Variants in ARSG observed in about 807,000 individuals in gnomAD.
The protein encoded by ARSG is arylsulfatase G, also known as ASG.
ARSG carries 37 observed loss-of-function variants against 50.5 expected under a neutral mutation model. The observed-to-expected ratio is 0.73, with a 90% CI of 0.56 to 0.96. The LOEUF (loss-of-function observed/expected upper bound fraction) is 0.96. Among genes scored for constraint, ARSG ranks in the 50% least tolerant of loss-of-function variants. ARSG has a pLI of 0.00. For synonymous variants in ARSG, 225 were observed against 254.6 expected (o/e 0.88, Z 1.11); for missense variants, 629 against 675.3 (o/e 0.93, Z 0.76).
chr17:68,329,786 T>C (rs1283700457), intron 2 of ARSG, among the ~76,000 whole-genome samples: 1 of 152,200 alleles, frequency 6.6e-6, no homozygotes, highest in Non-Finnish European at 1.5e-5. Context: ...TATAAAATAC[T>C]CTAACATTAA....
intron 1 of ARSG, among the ~76,000 whole-genome samples, chr17:68,265,222 G>A (rs1231187638): frequency 4.0e-5 from 6 of 151,608 alleles, no homozygotes; most frequent in African/African-American, 7.3e-5. Context: ...TGTCGGGCAC[G>A]GTGACTCATG....
intron 2 of ARSG, among the ~76,000 whole-genome samples, chr17:68,331,702 G>A (rs972066778): frequency 2.4e-4 from 37 of 152,140 alleles, no homozygotes; most frequent in African/African-American, 5.6e-4. Flanking sequence ...TTTCACGTGC[G>A]TCCTTTTCTA....
At chr17:68,377,497 C>T (rs2080209458) in intron 8 of ARSG, among the ~76,000 whole-genome samples, 1 of 152,198 alleles carries the variant, frequency 6.6e-6, no homozygotes, top group Admixed American at 6.5e-5. Context: ...CAGCTCAGGG[C>T]TCAGCATCCT....
intron 1 of ARSG, among the ~76,000 whole-genome samples, chr17:68,261,204 C>T (rs183479929): frequency 4.6e-5 from 7 of 152,248 alleles, no homozygotes; most frequent in Admixed American, 3.3e-4. Flanking sequence ...GGAAAAAAGT[C>T]TATAACTCAT....
intron 2 of ARSG, among the ~76,000 whole-genome samples, chr17:68,330,261 G>A (rs1436713186): frequency 6.6e-6 from 1 of 152,038 alleles, no homozygotes; most frequent in African/African-American, 2.4e-5. Context: ...ATGCACCATG[G>A]AAAATGAGGG....
downstream of ARSG, chr17:68,426,247 A>AGG (rs150170943): frequency 1.0e-4 from 70 of 668,462 alleles, 3 homozygotes; most frequent in African/African-American, 7.1e-4. Context: ...GCGGGTGGGG[A>AGG]GCGGGGGCTC....
At chr17:68,356,594 G>A in intron 5 of ARSG, 73 bp from the exon 6 acceptor site, 1 of 1,548,232 alleles carries the variant, frequency 6.5e-7, no homozygotes, top group Non-Finnish European at 8.9e-7. Flanking sequence ...ATGCATTGTT[G>A]CATTAAAGCA....
intron 1 of ARSG, among the ~76,000 whole-genome samples, chr17:68,294,845 A>G (rs1555757560): frequency 6.6e-6 from 1 of 152,162 alleles, no homozygotes; most frequent in Non-Finnish European, 1.5e-5. Context: ...CCTCCCCCGC[A>G]GCACCCCGCC....
upstream of ARSG, among the ~76,000 whole-genome samples, chr17:68,287,854 G>T (rs754320018): frequency 6.6e-6 from 1 of 152,042 alleles, no homozygotes; most frequent in South Asian, 2.1e-4. Context: ...TTAAAAAACC[G>T]AGTCATAAGG....
rs1555753742 is a variant in ARSG, at chr17:68,284,147, C to T, written c.-551-22796C>T. ...AAAAGCTGGGCGCAGTGGCTCATGC[C>T]TGTAATCCTTTGGGAGGCCAAGGTA... is the stretch of plus-strand genomic sequence containing the variant. On this transcript the variant is annotated intron_variant, in intron 1 of 11. Transcript: ENST00000448504. Among the ~76,000 whole-genome samples, 4 of 150,606 alleles carry T rather than the reference C, an allele frequency of 2.7e-5. No homozygotes were observed. In the South Asian group the frequency reaches 8.4e-4, roughly 32 times the overall value.
intron 2 of ARSG, among the ~76,000 whole-genome samples, chr17:68,336,066 T>G (rs1328670060): frequency 3.3e-5 from 5 of 151,012 alleles, no homozygotes; most frequent in Non-Finnish European, 4.4e-5. Flanking sequence ...ACCTGGCTAA[T>G]TTTTGTATTT....
intron 1 of ARSG, among the ~76,000 whole-genome samples, chr17:68,296,086 A>G (rs1405540908): frequency 1.3e-5 from 2 of 151,958 alleles, no homozygotes; most frequent in South Asian, 2.1e-4. Flanking sequence ...CAACCAACCA[A>G]CTCCAAATCT....
At chr17:68,279,175 G>T (rs1382749842) in intron 1 of ARSG, among the ~76,000 whole-genome samples, 2 of 152,062 alleles carry the variant, frequency 1.3e-5, no homozygotes, top group Non-Finnish European at 2.9e-5. Flanking sequence ...TGACCATAAG[G>T]AATGTTGATC....
Position 68,352,114 on chromosome 17 carries a change from AC to A in ARSG, c.566+429del, listed in dbSNP as rs2078805314. On this transcript the variant is annotated intron_variant, in intron 5 of 11. Transcript: ENST00000621439. ...GAGAGAGAGAGAGAGAGAGAGAGAG[AC>A]AGAGGAGAGAGAGAGAGAGAGACAG... is the stretch of plus-strand genomic sequence containing the variant. Among the ~76,000 whole-genome samples the A allele has an allele frequency of 5.7e-4, 47 of 82,948 alleles. 1 individual carries two copies. The highest frequency in any genetic ancestry group is 6.4e-3 in the Middle Eastern group (1 of 156). The allele number at this position is 82,948 out of a possible 152,430, so 54.4% of individuals were successfully genotyped here. A position where few individuals can be genotyped will look rare whatever the true frequency, so the allele number is the denominator to read the frequency against.
chr17:68,374,811 C>T (rs1291890611), intron 8 of ARSG, among the ~76,000 whole-genome samples: 1 of 146,962 alleles, frequency 6.8e-6, no homozygotes, highest in Non-Finnish European at 1.5e-5. Context: ...GCTGAGATTG[C>T]ACCACTGCAC....
chr17:68,372,016 G>T (rs2079871400), intron 8 of ARSG, among the ~76,000 whole-genome samples: 1 of 152,164 alleles, frequency 6.6e-6, no homozygotes, highest in Non-Finnish European at 1.5e-5. Flanking sequence ...AGAGTTGAAG[G>T]GGTGAATTTC....
At chr17:68,300,322 C>T (rs958496124) in intron 1 of ARSG, among the ~76,000 whole-genome samples, 1 of 152,124 alleles carries the variant, frequency 6.6e-6, no homozygotes, top group Non-Finnish European at 1.5e-5. Flanking sequence ...CCAGCCTGAC[C>T]ATGTGTTGAT....
At chr17:68,350,419 A>G (rs1365339808) in intron 4 of ARSG, among the ~76,000 whole-genome samples, 1 of 152,144 alleles carries the variant, frequency 6.6e-6, no homozygotes, top group Non-Finnish European at 1.5e-5. Flanking sequence ...TTACCTGGGT[A>G]ATTGGGGAAG....
chr17:68,344,614 A>G (rs2078423995), intron 3 of ARSG, among the ~76,000 whole-genome samples: 1 of 152,238 alleles, frequency 6.6e-6, no homozygotes, highest in African/African-American at 2.4e-5. Flanking sequence ...GGCCAGGTCT[A>G]GGCAGGTATA....
Sources: allele counts gnomAD v4.1 joint callset (sites outside exome capture counted in the v4.1 genomes callset), GRCh38; gene constraint gnomAD v4.1.1; transcripts MANE v1.5; gene names NCBI Gene and HGNC (gene_info 2026-07-23, HGNC 2026-07-21).